Variants in MYCBPAP observed in about 807,000 individuals in gnomAD.
MYCBPAP encodes the protein MYCBP associated protein.
In MYCBPAP, 60 loss-of-function variants were observed where a neutral mutation model predicts 106.1. That is an observed-to-expected ratio of 0.57 (90% CI 0.46 to 0.70). The LOEUF (loss-of-function observed/expected upper bound fraction) is 0.70, where lower values mean the gene tolerates loss of function less well. MYCBPAP is among the 30% of genes least tolerant of loss of function. The pLI is 0.00. For missense variants in MYCBPAP, 1,064 were observed against 1,169.3 expected (o/e 0.91, Z 1.31); for synonymous variants, 407 against 440.6 (o/e 0.92, Z 0.95).
At chr17:50,516,492 C>T (rs2143923814) in intron 1 of MYCBPAP, 78 bp from the exon 2 acceptor site, 2 of 1,499,046 alleles carry the variant, frequency 1.3e-6, no homozygotes, top group Non-Finnish European at 1.8e-6. Context: ...TATATTTTTA[C>T]TTTTATTTTT....
chr17:50,511,331 C>T (rs776268000), intron 1 of MYCBPAP, among the ~76,000 whole-genome samples: 4 of 152,184 alleles, frequency 2.6e-5, no homozygotes, highest in Admixed American at 6.5e-5. Flanking sequence ...ACCTCCCCAC[C>T]GCTGTCTTGT....
intron 1 of MYCBPAP, chr17:50,509,019 C>G (rs1390555938): frequency 1.4e-6 from 1 of 702,646 alleles, no homozygotes; most frequent in Non-Finnish European, 2.6e-6. Context: ...GATGGCCTTG[C>G]GCTACCTCTA....
chr17:50,529,984 G>T lies in MYCBPAP; in HGVS notation c.2724+796G>T, dbSNP rs1324166985. ...TTTCAATATGTCAGTATGTCTATTG[G>T]CGACGTCTTGCCTTCCTCTAATGTG... On this transcript the variant is annotated intron_variant, in intron 18 of 18. Coordinates refer to ENST00000323776, the MANE Select transcript of MYCBPAP (RefSeq NM_032133.6). 2.6e-5 allele frequency among the ~76,000 whole-genome samples: 4 copies of T among 152,172 alleles called. No homozygotes were observed. In the East Asian group the frequency reaches 7.7e-4, roughly 29 times the overall value.
At position 50,519,623 on chromosome 17, in the gene MYCBPAP, C is replaced by A; in HGVS notation, c.769-17C>A. The A allele has an allele frequency of 6.2e-7, 1 of 1,613,818 alleles. No individual in the cohort carries two copies. On this transcript the variant is annotated splice_polypyrimidine_tract_variant and intron_variant, in intron 6 of 18. Transcript: ENST00000323776. ...GAGGTGTCCTGGTAATCTGACTCACCTTTCCTTCCTTGCCAGAGCTGGGAG... is the reference window on the plus strand; with the variant it reads ...GAGGTGTCCTGGTAATCTGACTCACATTTCCTTCCTTGCCAGAGCTGGGAG...
At chr17:50,523,818 T>C (rs2034364775) in intron 12 of MYCBPAP, 34 bp downstream of exon 12, 1 of 1,579,162 alleles carries the variant, frequency 6.3e-7, no homozygotes, top group Admixed American at 1.8e-5. Flanking sequence ...CCTGTGGACA[T>C]CAGGTAGGGT....
Position 50,523,582 on chromosome 17 carries a change from C to A in MYCBPAP, c.1448-15C>A. The stretch of plus-strand genomic sequence containing the variant: ...CTCCTGCATGTTGAAAACCTCGGGT[C>A]TCTGTCCCTCTCAGGTGTGATTCTG... On this transcript the variant is annotated splice_polypyrimidine_tract_variant and intron_variant, in intron 11 of 18. Coordinates refer to ENST00000323776, the MANE Select transcript of MYCBPAP (RefSeq NM_032133.6). 2 of 1,613,912 alleles carry A rather than the reference C, an allele frequency of 1.2e-6. No individual in the cohort carries two copies. Among genetic ancestry groups the A allele is most frequent in the South Asian group, 2.2e-5 (2 of 91,040 alleles).
rs781557352 is a variant in MYCBPAP at position 50,519,745 on chromosome 17, A to G, written c.874A>G (p.Ile292Val). ...TKTQRGLMEPITHIRKPHSIR... is the reference protein window; with the variant it reads ...TKTQRGLMEPVTHIRKPHSIR... The stretch of plus-strand genomic sequence containing the variant: ...AACTCAGCGTGGCCTCATGGAGCCC[A>G]TCACTCACATCAGGAAGCCCCACTC... Residue 292 changes from isoleucine to valine, a missense_variant, in exon 7 of 19, where the codon ATC becomes GTC. Coordinates refer to ENST00000323776, the MANE Select transcript of MYCBPAP (RefSeq NM_032133.6). 7 of 1,613,988 alleles carry G rather than the reference A, an allele frequency of 4.3e-6. No homozygotes were observed. The highest frequency in any genetic ancestry group is 5.1e-6 in the Non-Finnish European group (6 of 1,180,030).
chr17:50,507,810 T>C (rs539693476), upstream of MYCBPAP, among the ~76,000 whole-genome samples: 164 of 152,272 alleles, frequency 1.1e-3, 2 homozygotes, highest in African/African-American at 3.8e-3. Flanking sequence ...CCTGCTCTCA[T>C]ACATTCTGAG....
chr17:50,530,032 C>T (rs2034584239), intron 18 of MYCBPAP: 3 of 368,488 alleles, frequency 8.1e-6, no homozygotes, highest in Admixed American at 6.6e-5. Flanking sequence ...GCTGGGATTA[C>T]ATCATGTATT....
chr17:50,520,644 G>A (rs997798217), intron 7 of MYCBPAP, among the ~76,000 whole-genome samples: 1 of 152,138 alleles, frequency 6.6e-6, no homozygotes, highest in Non-Finnish European at 1.5e-5. Flanking sequence ...CTTGTGGTTT[G>A]CATTCTGTTT....
At chr17:50,519,314 G>A in intron 6 of MYCBPAP, 1 of 587,576 alleles carries the variant, frequency 1.7e-6, no homozygotes, top group African/African-American at 1.9e-5. Flanking sequence ...AGTTATTAGA[G>A]TAGTCTTAGT....
chr17:50,508,872 G>T, intron 1 of MYCBPAP, 122 bp downstream of exon 1: 1 of 929,080 alleles, frequency 1.1e-6, no homozygotes, highest in Non-Finnish European at 1.7e-6. Context: ...AAGATCACGG[G>T]GAAGTGGGGT....
chr17:50,514,981 A>G (rs377083657), intron 1 of MYCBPAP: 1 of 400,730 alleles, frequency 2.5e-6, no homozygotes, highest in Non-Finnish European at 5.1e-6. Context: ...TGAGCTCTTC[A>G]CGATATGGCG....
rs1353910311 is a variant in MYCBPAP at position 50,522,954 on chromosome 17, G to T, written c.1273G>T (p.Ala425Ser). The change falls in exon 11 of 19, where the codon GCT (alanine) becomes TCT (serine). Residue 425 changes from alanine to serine, a missense_variant. By Grantham distance (99) the Ala-to-Ser change is moderately conservative. Transcript: ENST00000323776. ...CTCCTTCCAGAGGCAGGTTGGGATT[G>T]CTGCTCACTTGACCTTTGAAACCCT... The part of the protein sequence containing the change: ...NPQDKRQVGI[A>S]AHLTFETLEG... 2 of 1,610,874 alleles carry T rather than the reference G, an allele frequency of 1.2e-6. No homozygotes were observed. Among genetic ancestry groups the T allele is most frequent in the Non-Finnish European group, 1.7e-6 (2 of 1,177,424 alleles).
At chr17:50,516,537 T>G in intron 1 of MYCBPAP, 33 bp from the exon 2 acceptor site, 1 of 1,609,598 alleles carries the variant, frequency 6.2e-7, no homozygotes, top group African/African-American at 1.3e-5. Context: ...AAGGAGCTCT[T>G]TAAGGACTTA....
At chr17:50,519,491 G>A in intron 6 of MYCBPAP, 149 bp from the exon 7 acceptor site, 3 of 953,554 alleles carry the variant, frequency 3.1e-6, no homozygotes, top group Non-Finnish European at 4.7e-6. Context: ...AAACACGGCA[G>A]TGGATGCTTC....
upstream of MYCBPAP, chr17:50,508,421 G>A: frequency 2.2e-6 from 2 of 897,074 alleles, no homozygotes; most frequent in Non-Finnish European, 3.2e-6. Flanking sequence ...CGCCTGTGGC[G>A]TCACAGGCCG....
chr17:50,518,681 G>A lies in MYCBPAP; in HGVS notation c.609G>A (p.Gln203=), dbSNP rs1159822098. The change falls in exon 5 of 19, where the codon CAG becomes CAA. Residue 203 remains glutamine, a synonymous_variant. Transcript: ENST00000323776. ...AGCACAACTTTCTGAAAAACTGGCA[G>A]CGTAACACAGCCCTGCGGAAGAAGC... The part of the protein sequence containing the change: ...PPQHNFLKNW[Q]RNTALRKKQQ... 1 of 1,604,416 alleles carries A rather than the reference G, an allele frequency of 6.2e-7. No homozygotes were observed. The highest frequency in any genetic ancestry group is 1.7e-5 in the Admixed American group (1 of 57,562).
intron 1 of MYCBPAP, among the ~76,000 whole-genome samples, chr17:50,515,264 C>T (rs1339915397): frequency 2.0e-5 from 3 of 151,948 alleles, no homozygotes; most frequent in Non-Finnish European, 4.4e-5. Context: ...CCACCATGTT[C>T]CTGTAGTTAC....
Sources: gnomAD v4.1 joint callset for allele counts (sites outside exome capture counted in the v4.1 genomes callset) on GRCh38, gnomAD v4.1.1 for gene constraint, MANE v1.5 for transcripts, NCBI Gene and HGNC (gene_info 2026-07-23, HGNC 2026-07-21) for gene names.